Variants in PLCZ1 observed in about 807,000 individuals in gnomAD.
PLCZ1 encodes the protein phospholipase C zeta 1.
Under a neutral mutation model 76.8 loss-of-function variants are expected in PLCZ1, and 64 were observed. The observed-to-expected ratio is 0.83, with a 90% CI of 0.68 to 1.03. The LOEUF is 1.03. PLCZ1 is among the 50% of genes least tolerant of loss of function. The pLI is 0.00. For missense variants in PLCZ1, 751 were observed against 713.7 expected (o/e 1.05, Z -0.60); for synonymous variants, 248 against 230.8 (o/e 1.07, Z -0.68).
intron 10 of PLCZ1, among the ~76,000 whole-genome samples, chr12:18,699,313 C>A (rs1392498663): frequency 6.6e-6 from 1 of 152,188 alleles, no homozygotes; most frequent in African/African-American, 2.4e-5. Flanking sequence ...TGTCTCCACT[C>A]TCACTGCCAG....
In PLCZ1 at chr12:18,723,534, G is replaced by A; in HGVS notation, c.144C>T (p.Asp48=). The A allele has an allele frequency of 6.2e-7, 1 of 1,611,456 alleles. No homozygotes were observed. The highest frequency in any genetic ancestry group is 8.5e-7 in the Non-Finnish European group (1 of 1,178,902). ...IHVKQIFKDN[D]RLKQGRITIE... ...TGGTGATTCTTCCTTGTTTCAGCCT[G>A]TCATTGTCCTACTAAAAAAATGACT... Residue 48 remains aspartate (D), a synonymous_variant, in exon 4 of 15, where the codon GAC becomes GAT. Coordinates refer to ENST00000266505, the MANE Select transcript of PLCZ1 (RefSeq NM_033123.4).
At chr12:18,725,189 C>A (rs549062594) in intron 3 of PLCZ1, among the ~76,000 whole-genome samples, 1 of 152,032 alleles carries the variant, frequency 6.6e-6, no homozygotes, top group East Asian at 1.9e-4. Context: ...AGGGGAAGAT[C>A]TAATTTTAGT....
chr12:18,705,271 G>A lies in PLCZ1; in HGVS notation c.759C>T (p.Ser253=). The change falls in exon 7 of 15, where the codon TCC becomes TCT. Residue 253 remains serine (S), a synonymous_variant. Transcript: ENST00000266505. Reference sequence around the variant, plus strand: ...CTGCCATTACTTCTTGTTGGGCAGTGGAGCAGTGATTTTCTAAAGAGAGCA... The same window carrying A: ...CTGCCATTACTTCTTGTTGGGCAGTAGAGCAGTGATTTTCTAAAGAGAGCA... ...PVVLSLENHC[S]TAQQEVMADN... 6.2e-7 allele frequency: 1 copy of A among 1,614,026 alleles called. No homozygotes were observed. Among genetic ancestry groups the A allele is most frequent in the Non-Finnish European group, 8.5e-7 (1 of 1,179,974 alleles).
the PLCZ1 span, among the ~76,000 whole-genome samples, chr12:18,659,919 A>G: frequency 1.3e-5 from 2 of 152,158 alleles, no homozygotes; most frequent in Non-Finnish European, 2.9e-5. Context: ...GACTGAAATA[A>G]AAGAACTCTA....
At chr12:18,654,920 GAA>G in the PLCZ1 span, among the ~76,000 whole-genome samples, 1 of 151,658 alleles carries the variant, frequency 6.6e-6, no homozygotes, top group Non-Finnish European at 1.5e-5. Context: ...AAAGGAAAAA[GAA>G]AAAAGACACT....
At chr12:18,695,946 A>G (rs1032552685) in intron 11 of PLCZ1, among the ~76,000 whole-genome samples, 6 of 151,872 alleles carry the variant, frequency 4.0e-5, no homozygotes, top group African/African-American at 1.5e-4. Flanking sequence ...TCCCCAAACC[A>G]TCACTGAGAT....
chr12:18,719,659 A>C (rs1199542214), intron 4 of PLCZ1, 27 bp from the exon 5 acceptor site: 1 of 1,491,918 alleles, frequency 6.7e-7, no homozygotes, highest in Non-Finnish European at 9.1e-7. Flanking sequence ...AAATAAGTTA[A>C]AAGGATGCAA....
chr12:18,678,227 C>T (rs993743324), downstream of PLCZ1, among the ~76,000 whole-genome samples: 2 of 152,062 alleles, frequency 1.3e-5, no homozygotes, highest in African/African-American at 4.8e-5. Context: ...TGTTAGAACA[C>T]ACATTGTCAC....
intron 6 of PLCZ1, among the ~76,000 whole-genome samples, chr12:18,712,407 C>A (rs1957447039): frequency 6.6e-6 from 1 of 152,102 alleles, no homozygotes; most frequent in Non-Finnish European, 1.5e-5. Context: ...ACATTTCTTA[C>A]TATATCAATA....
chr12:18,705,139 C>G, intron 7 of PLCZ1, 27 bp downstream of exon 7: 1 of 1,612,376 alleles, frequency 6.2e-7, no homozygotes, highest in Non-Finnish European at 8.5e-7. Flanking sequence ...TTTTTCTTAA[C>G]CTGAGTTTCT....
At chr12:18,687,003 G>T (rs1488112184) in intron 13 of PLCZ1, among the ~76,000 whole-genome samples, 2 of 152,000 alleles carry the variant, frequency 1.3e-5, no homozygotes, top group Non-Finnish European at 2.9e-5. Flanking sequence ...AGTAGAGGAT[G>T]GAGGGAACAA....
chr12:18,697,766 C>G (rs930809401), intron 10 of PLCZ1, among the ~76,000 whole-genome samples: 2 of 151,340 alleles, frequency 1.3e-5, no homozygotes, highest in African/African-American at 4.9e-5. Flanking sequence ...ATAATGTGAA[C>G]ATCATTTCAT....
chr12:18,696,716 C>T (rs1955101829), intron 10 of PLCZ1, among the ~76,000 whole-genome samples: 1 of 151,904 alleles, frequency 6.6e-6, no homozygotes, highest in Admixed American at 6.6e-5. Flanking sequence ...TATACGATTC[C>T]AGCTAAATTA....
the PLCZ1 span, among the ~76,000 whole-genome samples, chr12:18,652,041 T>C: frequency 5.3e-5 from 8 of 152,132 alleles, no homozygotes; most frequent in Non-Finnish European, 1.0e-4. Context: ...GTTTGTTAGT[T>C]TTACGTATAA....
the PLCZ1 span, among the ~76,000 whole-genome samples, chr12:18,651,579 C>T: frequency 6.6e-6 from 1 of 152,202 alleles, no homozygotes; most frequent in East Asian, 1.9e-4. Flanking sequence ...CCATAAAGAA[C>T]CCTGCCTTCT....
intron 6 of PLCZ1, among the ~76,000 whole-genome samples, chr12:18,712,411 A>G (rs1425944468): frequency 6.6e-6 from 1 of 152,168 alleles, no homozygotes; most frequent in Non-Finnish European, 1.5e-5. Context: ...TTCTTACTAT[A>G]TCAATAGCTG....
At chr12:18,691,600 C>T (rs1181767733) in intron 12 of PLCZ1, among the ~76,000 whole-genome samples, 1 of 152,080 alleles carries the variant, frequency 6.6e-6, no homozygotes, top group African/African-American at 2.4e-5. Context: ...AGTCCCAGAG[C>T]ATAGAAGAGC....
chr12:18,650,716 A>C, the PLCZ1 span, among the ~76,000 whole-genome samples: 64 of 4,720 alleles, frequency 0.014, no homozygotes, highest in African/African-American at 0.024. Context: ...ATATATCTAT[A>C]TATATATATA....
intron 4 of PLCZ1, among the ~76,000 whole-genome samples, chr12:18,719,969 G>A (rs1478297100): frequency 4.6e-5 from 7 of 152,030 alleles, no homozygotes; most frequent in African/African-American, 1.7e-4. Flanking sequence ...GAGGAACAAA[G>A]CATTGCAGTG....
Sources: allele counts gnomAD v4.1 joint callset (sites outside exome capture counted in the v4.1 genomes callset), GRCh38; gene constraint gnomAD v4.1.1; transcripts MANE v1.5; gene names NCBI Gene and HGNC (gene_info 2026-07-23, HGNC 2026-07-21).